Variants in L3HYPDH observed in about 807,000 individuals in gnomAD.
The protein encoded by L3HYPDH is trans-L-3-hydroxyproline dehydratase.
In L3HYPDH, 32 loss-of-function variants were observed where a neutral mutation model predicts 26.5. The ratio of observed to expected loss-of-function variants is 1.21; its 90% CI spans 0.91 to 1.62. The LOEUF (loss-of-function observed/expected upper bound fraction) is 1.62. Among genes scored for constraint, L3HYPDH ranks in the 40% most tolerant of loss-of-function variants. The probability of loss-of-function intolerance (pLI) is 0.00; values close to 1 mark genes in which losing one functional copy is unlikely to be tolerated. For missense variants in L3HYPDH, 554 were observed against 476.4 expected, an observed-to-expected ratio of 1.16 and a Z score of -1.52; for synonymous variants, 215 against 196.6, an observed-to-expected ratio of 1.09 and a Z score of -0.78.
At chr14:59,466,165 G>A (rs1174262161) in intron 1 of L3HYPDH, among the ~76,000 whole-genome samples, 3 of 152,154 alleles carry the variant, frequency 2.0e-5, no homozygotes, top group African/African-American at 7.2e-5. Context: ...GCTGATAAAT[G>A]GGGGGAGAGG....
chr14:59,495,253 T>G, the L3HYPDH span: 9 of 1,267,000 alleles, frequency 7.1e-6, no homozygotes, highest in African/African-American at 1.6e-4. Flanking sequence ...TTAAGATCAT[T>G]GTTTTTTTTT....
Position 59,473,066 on chromosome 14 carries a change from C to T in L3HYPDH, c.964G>A (p.Ala322Thr). The T allele has an allele frequency of 1.3e-6, 2 of 1,598,122 alleles. No homozygotes were observed. Among genetic ancestry groups the T allele is most frequent in the African/African-American group, 2.7e-5 (2 of 73,592 alleles). Residue 322 changes from alanine to threonine, a missense_variant, in exon 5 of 5, where the codon GCT becomes ACT. By Grantham distance (58) the Ala-to-Thr change is moderately conservative. Transcript: ENST00000247194. ...VREAKCGDFKAVIVEVSGQAH... is the reference protein window; with the variant it reads ...VREAKCGDFKTVIVEVSGQAH... ...TGTCCTGATACTTCCACTATAACAG[C>T]TTTAAAATCACCACATTTCGCTTCC...
At chr14:59,504,107 T>C in the L3HYPDH span, 4 of 1,295,442 alleles carry the variant, frequency 3.1e-6, no homozygotes, top group East Asian at 9.2e-5. Context: ...ACCTGAGAAG[T>C]GCTCCTAATA....
chr14:59,475,690 G>A (rs1386174110), intron 4 of L3HYPDH, among the ~76,000 whole-genome samples, 179 bp downstream of exon 4: 2 of 152,138 alleles, frequency 1.3e-5, no homozygotes, highest in African/African-American at 2.4e-5. Context: ...TTAGGGGCCC[G>A]CTGGGGCCCC....
upstream of L3HYPDH, among the ~76,000 whole-genome samples, chr14:59,488,773 C>G (rs745486871): frequency 6.6e-6 from 1 of 152,210 alleles, no homozygotes; most frequent in African/African-American, 2.4e-5. Flanking sequence ...CAAACTCTTT[C>G]TGCTGTCTGA....
At chr14:59,503,831 C>T in the L3HYPDH span, 2 of 1,502,892 alleles carry the variant, frequency 1.3e-6, no homozygotes, top group Non-Finnish European at 1.8e-6. Flanking sequence ...TTTCTCTTTT[C>T]TTTCTTTTAC....
chr14:59,494,034 A>G, the L3HYPDH span, among the ~76,000 whole-genome samples: 96 of 152,296 alleles, frequency 6.3e-4, no homozygotes, highest in Non-Finnish European at 1.0e-3. Context: ...GTTAGATCCT[A>G]CCTTACGTTA....
At chr14:59,468,929 G>A (rs761055442), downstream of L3HYPDH, among the ~76,000 whole-genome samples, 1 of 149,628 alleles carries the variant, frequency 6.7e-6, no homozygotes, top group African/African-American at 2.6e-5. Flanking sequence ...TTCTCTGGGC[G>A]TAAGTAACAC....
In L3HYPDH at chr14:59,484,364, G is replaced by A. The variant is rs746029182; in HGVS notation, c.-48C>T. On this transcript the variant is annotated 5_prime_UTR_variant, in exon 1 of 5. Coordinates refer to ENST00000247194, the MANE Select transcript of L3HYPDH (RefSeq NM_144581.2). ...TACGGTCCCGCAGCTATGGCTTCAAGCCCGACCCTCACCCACTGACTCCGC... is the reference window on the plus strand; with the variant it reads ...TACGGTCCCGCAGCTATGGCTTCAAACCCGACCCTCACCCACTGACTCCGC... 3.3e-6 allele frequency: 5 copies of A among 1,529,590 alleles called. No homozygotes were observed. The Admixed American group carries it at 7.3e-5, about 22-fold the overall frequency. 94.8% of individuals were successfully genotyped at this position (1,529,590 alleles called of 1,614,324 possible). A position where few individuals can be genotyped will look rare whatever the true frequency, so the allele number is the denominator to read the frequency against.
chr14:59,469,443 T>C (rs1444994232), downstream of L3HYPDH, among the ~76,000 whole-genome samples: 3 of 151,128 alleles, frequency 2.0e-5, no homozygotes, highest in Non-Finnish European at 4.4e-5. Context: ...TAATCCCAGC[T>C]ACTCAGGAGG....
intron 1 of L3HYPDH, among the ~76,000 whole-genome samples, chr14:59,482,940 G>A (rs1055846287): frequency 2.6e-5 from 4 of 152,202 alleles, no homozygotes; most frequent in African/African-American, 9.7e-5. Context: ...AGTCTGATGA[G>A]AAACCAGATG....
downstream of L3HYPDH, among the ~76,000 whole-genome samples, chr14:59,469,926 G>T: frequency 6.6e-6 from 1 of 152,170 alleles, no homozygotes; most frequent in Non-Finnish European, 1.5e-5. Context: ...AGTCAGGGAA[G>T]AAAGAAAAGG....
upstream of L3HYPDH, among the ~76,000 whole-genome samples, chr14:59,486,487 C>G (rs1460893633): frequency 6.6e-6 from 1 of 152,156 alleles, no homozygotes; most frequent in Admixed American, 6.5e-5. Flanking sequence ...TGGTTGAGGA[C>G]CTTAATCATA....
Position 59,476,131 on chromosome 14 carries a change from C to A in L3HYPDH, c.762G>T (p.Lys254Asn), listed in dbSNP as rs553945514. ...ILTDGKDAYT[K>N]EPTTNICVFA... ...AAACACAAATGTTGGTGGTTGGTTC[C>A]TTGGTATAAGCATCTTTTCCATCTG... is the stretch of plus-strand genomic sequence containing the variant. The change falls in exon 3 of 5, where the codon AAG becomes AAT. Residue 254 changes from lysine to asparagine, a missense_variant. Physicochemically the swap from Lys to Asn is moderately conservative, Grantham distance 94. Coordinates refer to ENST00000247194, the MANE Select transcript of L3HYPDH (RefSeq NM_144581.2). The A allele has an allele frequency of 4.3e-6, 7 of 1,613,864 alleles. 1 individual carries two copies. The South Asian group carries it at 7.7e-5, about 18-fold the overall frequency.
Position 59,482,682 on chromosome 14 carries a change from C to T in L3HYPDH, c.508+1127G>A, listed in dbSNP as rs556069017. ...TCTCCAGAGGCATTCTTCGTTAACT[C>T]GTGGATTTCAGCTGCCTAAGGTTGC... On this transcript the variant is annotated intron_variant, in intron 1 of 4. Transcript: ENST00000247194. Among the ~76,000 whole-genome samples the T allele has an allele frequency of 9.2e-5, 14 of 152,310 alleles. No homozygotes were observed. The East Asian group carries it at 2.7e-3, about 29-fold the overall frequency.
upstream of L3HYPDH, among the ~76,000 whole-genome samples, chr14:59,486,452 G>C (rs999935690): frequency 6.6e-6 from 1 of 152,186 alleles, no homozygotes; most frequent in Non-Finnish European, 1.5e-5. Context: ...TAGGCTTTGA[G>C]TCCTGGAGAT....
intron 1 of L3HYPDH, among the ~76,000 whole-genome samples, chr14:59,482,144 G>A (rs1156500040): frequency 6.6e-6 from 1 of 152,176 alleles, no homozygotes; most frequent in Non-Finnish European, 1.5e-5. Flanking sequence ...GATGAACTCA[G>A]CAACCCTCTG....
chr14:59,486,229 A>G (rs1253107), upstream of L3HYPDH, among the ~76,000 whole-genome samples: 9,991 of 152,262 alleles, frequency 0.066, 369 homozygotes, highest in African/African-American at 0.099. Context: ...TCTGTTATGA[A>G]ATTATGTTCT....
chr14:59,485,070 A>G, upstream of L3HYPDH: 6 of 1,598,476 alleles, frequency 3.8e-6, no homozygotes, highest in Non-Finnish European at 5.1e-6. Context: ...CGCTAAAGGA[A>G]ATGAAAGGAG....
Sources: gnomAD v4.1 joint callset for allele counts (sites outside exome capture counted in the v4.1 genomes callset) on GRCh38, gnomAD v4.1.1 for gene constraint, MANE v1.5 for transcripts, NCBI Gene and HGNC (gene_info 2026-07-23, HGNC 2026-07-21) for gene names.